KIF5C: variants seen among roughly 807,000 people sequenced by gnomAD.
The protein encoded by KIF5C is kinesin heavy chain isoform 5C.
A neutral mutation model predicts 125.2 loss-of-function variants in KIF5C; 18 were observed. The observed-to-expected ratio is 0.14, with a 90% confidence interval of 0.10 to 0.21. The LOEUF is 0.21. Among genes scored for constraint, KIF5C ranks in the 10% least tolerant of loss-of-function variants. The pLI is 1.00. For missense variants in KIF5C, 780 were observed against 1,183.8 expected, an observed-to-expected ratio of 0.66 and a Z score of 5.01; for synonymous variants, 405 against 434.0, an observed-to-expected ratio of 0.93 and a Z score of 0.83.
rs1491464762 is a variant in KIF5C, at chr2:148,978,335, T to TG, written c.1294-587_1294-586insG. 6.0e-4 allele frequency among the ~76,000 whole-genome samples: 8 copies of TG among 13,396 alleles called. 1 individual carries two copies. The highest frequency in any genetic ancestry group is 1.3e-3 in the Non-Finnish European group (7 of 5,558). The allele number at this position is 13,396 out of a possible 152,430, so 8.8% of individuals were successfully genotyped here. A position where few individuals can be genotyped will look rare whatever the true frequency, so the allele number is the denominator to read the frequency against. On this transcript the variant is annotated intron_variant, in intron 12 of 25. Transcript: ENST00000435030. ...CTTCTGTCCCTCAGCTGCCCTGAGGTTTTTTTTTTTTTTTTTTTTTTTTTT... is the reference window on the plus strand; with the variant it reads ...CTTCTGTCCCTCAGCTGCCCTGAGGTGTTTTTTTTTTTTTTTTTTTTTTTTT...
chr2:148,911,785 C>A (rs1681348652), intron 1 of KIF5C, among the ~76,000 whole-genome samples: 1 of 152,080 alleles, frequency 6.6e-6, no homozygotes, highest in South Asian at 2.1e-4. Flanking sequence ...AGTACCTGAG[C>A]CTTGGTGTAT....
intron 4 of KIF5C, among the ~76,000 whole-genome samples, chr2:148,938,539 C>T (rs1682339328): frequency 6.6e-6 from 1 of 152,166 alleles, no homozygotes; most frequent in Admixed American, 6.5e-5. Flanking sequence ...TGCTGCTCCA[C>T]CATTCCCTTA....
chr2:148,922,080 C>A, intron 1 of KIF5C, 57 bp from the exon 2 acceptor site: 1 of 1,226,944 alleles, frequency 8.2e-7, no homozygotes, highest in South Asian at 1.4e-5. Context: ...ATTTTTTATT[C>A]CTAAACATCT....
intron 3 of KIF5C, among the ~76,000 whole-genome samples, chr2:148,934,402 A>C (rs997842027): frequency 8.0e-5 from 12 of 150,940 alleles, no homozygotes; most frequent in African/African-American, 2.9e-4. Flanking sequence ...TCATACACAC[A>C]CAGACATACC....
chr2:148,926,140 G>A (rs910241047), intron 2 of KIF5C, among the ~76,000 whole-genome samples: 7 of 152,212 alleles, frequency 4.6e-5, no homozygotes, highest in African/African-American at 1.7e-4. Context: ...ATTCTAATCT[G>A]AAGATGGCAC....
chr2:149,009,784 C>G (rs986760959), intron 23 of KIF5C, among the ~76,000 whole-genome samples: 2 of 152,158 alleles, frequency 1.3e-5, no homozygotes, highest in African/African-American at 4.8e-5. Flanking sequence ...CTTTCTCATG[C>G]TAATTTAGTA....
chr2:149,005,059 C>G (rs1681964951), intron 21 of KIF5C, among the ~76,000 whole-genome samples: 3 of 152,162 alleles, frequency 2.0e-5, no homozygotes. Flanking sequence ...AGGAATTCAC[C>G]CTGATACAAC....
intron 2 of KIF5C, among the ~76,000 whole-genome samples, chr2:148,928,614 T>A (rs999999760): frequency 4.6e-5 from 7 of 152,148 alleles, no homozygotes; most frequent in Non-Finnish European, 1.0e-4. Flanking sequence ...TCTCATTGTG[T>A]AATTAAAAGA....
At chr2:148,886,654 A>G (rs1681536954) in intron 1 of KIF5C, among the ~76,000 whole-genome samples, 1 of 152,190 alleles carries the variant, frequency 6.6e-6, no homozygotes, top group Non-Finnish European at 1.5e-5. Context: ...TCATGATAGC[A>G]TCAAATCCCT....
At chr2:148,993,391 AG>A (rs1367495325) in intron 16 of KIF5C, among the ~76,000 whole-genome samples, 2 of 152,184 alleles carry the variant, frequency 1.3e-5, no homozygotes, top group African/African-American at 4.8e-5. Context: ...CATTAGGTGG[AG>A]GTTTGCACTC....
intron 10 of KIF5C, among the ~76,000 whole-genome samples, chr2:148,951,632 AGG>A (rs1682661542): frequency 2.6e-5 from 4 of 152,134 alleles, no homozygotes; most frequent in African/African-American, 7.2e-5. Context: ...ATGTTGGATG[AGG>A]GCTCAGAGGG....
At chr2:148,877,684 C>T (rs1681230170) in intron 1 of KIF5C, among the ~76,000 whole-genome samples, 1 of 152,020 alleles carries the variant, frequency 6.6e-6, no homozygotes, top group East Asian at 1.9e-4. Context: ...CTATTTTTTT[C>T]CCAGAGGTTT....
At chr2:148,984,100 GT>G in intron 15 of KIF5C, among the ~76,000 whole-genome samples, 1 of 152,350 alleles carries the variant, frequency 6.6e-6, no homozygotes, top group Non-Finnish European at 1.5e-5. Context: ...TTAAGCAACA[GT>G]TCTAGTCTCA....
chr2:148,997,156 G>A (rs1285083172), intron 17 of KIF5C, 108 bp from the exon 18 acceptor site: 1 of 1,470,624 alleles, frequency 6.8e-7, no homozygotes, highest in African/African-American at 1.4e-5. Flanking sequence ...GATATAAGCT[G>A]ATGTTTCACT....
chr2:148,979,557 G>A (rs1574808813), intron 13 of KIF5C, among the ~76,000 whole-genome samples: 1 of 152,202 alleles, frequency 6.6e-6, no homozygotes, highest in Non-Finnish European at 1.5e-5. Context: ...ACAGGTGTGA[G>A]CCACTGCACC....
At chr2:148,969,992 C>CT (rs1680856607) in intron 11 of KIF5C, among the ~76,000 whole-genome samples, 1 of 152,170 alleles carries the variant, frequency 6.6e-6, no homozygotes, top group Non-Finnish European at 1.5e-5. Flanking sequence ...CGTGTTGCGG[C>CT]TTTGTTCTTC....
At chr2:148,941,554 C>A (rs1230640045) in intron 4 of KIF5C, 56 bp from the exon 5 acceptor site, 29 of 1,547,212 alleles carry the variant, frequency 1.9e-5, no homozygotes, top group Non-Finnish European at 2.5e-5. Flanking sequence ...CTAATAATGG[C>A]ATTTTTGAAA....
chr2:148,978,627 C>T (rs192189108), intron 12 of KIF5C, among the ~76,000 whole-genome samples: 1 of 152,244 alleles, frequency 6.6e-6, no homozygotes, highest in Admixed American at 6.5e-5. Flanking sequence ...ATATCTCTAA[C>T]GTCCCTTTCA....
chr2:149,010,687 T>G (rs2105200959), intron 24 of KIF5C, among the ~76,000 whole-genome samples: 1 of 152,356 alleles, frequency 6.6e-6, no homozygotes, highest in East Asian at 1.9e-4. Flanking sequence ...GATATTTCTC[T>G]GCAAGGTGTG....
Sources: gnomAD v4.1 joint callset for allele counts (sites outside exome capture counted in the v4.1 genomes callset) on GRCh38, gnomAD v4.1.1 for gene constraint, MANE v1.5 for transcripts, NCBI Gene and HGNC (gene_info 2026-07-23, HGNC 2026-07-21) for gene names.